The following LRBA variants were observed in gnomAD, a reference collection of about 807,000 sequenced individuals.
LRBA encodes the protein LPS responsive beige-like anchor protein, also known as lipopolysaccharide-responsive and beige-like anchor protein.
LRBA carries 176 observed loss-of-function variants against 330.0 expected under a neutral mutation model. The ratio of observed to expected loss-of-function variants is 0.53; its 90% confidence interval spans 0.47 to 0.60. LRBA has a LOEUF of 0.60. LRBA is among the 20% of genes least tolerant of loss of function. The probability of loss-of-function intolerance (pLI) is 0.00; values close to 1 mark genes in which losing one functional copy is unlikely to be tolerated. For synonymous variants in LRBA, 1,230 were observed against 1,193.0 expected (o/e 1.03, Z -0.64); for missense variants, 3,259 against 3,444.8 (o/e 0.95, Z 1.35).
At chr4:150,841,001 G>T in intron 28 of LRBA, 1 of 1,256,504 alleles carries the variant, frequency 8.0e-7, no homozygotes, top group Non-Finnish European at 1.0e-6. Flanking sequence ...TGTGATCCGT[G>T]ATCTGACAAA....
At chr4:150,977,644 T>C (rs1193381553) in intron 2 of LRBA, among the ~76,000 whole-genome samples, 3 of 152,062 alleles carry the variant, frequency 2.0e-5, no homozygotes, top group Admixed American at 6.6e-5. Flanking sequence ...TTTCTGGACA[T>C]GCCCTGGGCC....
At chr4:150,384,765 T>TC (rs745344376) in intron 47 of LRBA, among the ~76,000 whole-genome samples, 110 of 151,622 alleles carry the variant, frequency 7.3e-4, no homozygotes, top group Admixed American at 1.1e-3. Context: ...TTTTTTTTTT[T>TC]CAGAGGAAAG....
At chr4:150,601,906 T>C (rs964994439) in intron 37 of LRBA, among the ~76,000 whole-genome samples, 1 of 151,944 alleles carries the variant, frequency 6.6e-6, no homozygotes, top group Non-Finnish European at 1.5e-5. Flanking sequence ...TTAGCCAGGA[T>C]GGTCTTGATC....
chr4:150,365,204 A>G (rs1233528741), intron 47 of LRBA, among the ~76,000 whole-genome samples: 1 of 151,936 alleles, frequency 6.6e-6, no homozygotes, highest in African/African-American at 2.4e-5. Context: ...ACAGAGTTTC[A>G]CCATGTTGCC....
Position 150,867,879 on chromosome 4 carries a change from G to C in LRBA, c.2574-16C>G, listed in dbSNP as rs780139541. On this transcript the variant is annotated splice_polypyrimidine_tract_variant and intron_variant, in intron 21 of 56. Transcript: ENST00000651943. ...TAGCAAGCTCCTGAAAATTATGAGAGGGTACTAAATTACTGAAGAAAAAAA... is the reference window on the plus strand; with the variant it reads ...TAGCAAGCTCCTGAAAATTATGAGACGGTACTAAATTACTGAAGAAAAAAA... The C allele has an allele frequency of 1.4e-5, 22 of 1,585,754 alleles. No homozygotes were observed. The highest frequency in any genetic ancestry group is 1.8e-5 in the Non-Finnish European group (21 of 1,164,376).
intron 48 of LRBA, among the ~76,000 whole-genome samples, chr4:150,346,229 GAATATC>G (rs1736281610): frequency 6.6e-6 from 1 of 151,804 alleles, no homozygotes; most frequent in Middle Eastern, 3.2e-3. Flanking sequence ...ACCATACTTA[GAATATC>G]ACAGGCCATG....
intron 36 of LRBA, among the ~76,000 whole-genome samples, chr4:150,716,866 T>C (rs1728271482): frequency 6.6e-6 from 1 of 152,208 alleles, no homozygotes; most frequent in South Asian, 2.1e-4. Context: ...GGACAGACTG[T>C]ACTGGGTTAT....
intron 2 of LRBA, among the ~76,000 whole-genome samples, chr4:150,966,033 C>CA (rs1281174207): frequency 6.6e-6 from 1 of 152,118 alleles, no homozygotes; most frequent in Non-Finnish European, 1.5e-5. Flanking sequence ...CCCACAGGTA[C>CA]TGGATGAGAT....
At chr4:150,966,426 A>C (rs1361459881) in intron 2 of LRBA, among the ~76,000 whole-genome samples, 4 of 150,262 alleles carry the variant, frequency 2.7e-5, no homozygotes, top group African/African-American at 9.8e-5. Flanking sequence ...CTCCTGCCTC[A>C]GCCTCCCAGG....
chr4:150,805,531 AAAG>A lies in LRBA; in HGVS notation c.5518+737_5518+739del, dbSNP rs1266521366. Reference sequence around the variant, plus strand: ...AAGAGAAGGAAAGGAAAAGGAAAGGAAAGGAAGGGAGAAGGAAAGGAAAGGAAA... The same window carrying A: ...AAGAGAAGGAAAGGAAAAGGAAAGGAGAAGGGAGAAGGAAAGGAAAGGAAA... On this transcript the variant is annotated intron_variant, in intron 33 of 56. Coordinates refer to ENST00000651943, the MANE Select transcript of LRBA (RefSeq NM_001364905.1). Among the ~76,000 whole-genome samples the A allele has an allele frequency of 2.1e-3, 276 of 133,002 alleles. 8 individuals carry two copies. The highest frequency in any genetic ancestry group is 6.5e-3 in the African/African-American group (224 of 34,418). 87.3% of individuals were successfully genotyped at this position (133,002 alleles called of 152,430 possible).
intron 47 of LRBA, among the ~76,000 whole-genome samples, chr4:150,353,857 C>T (rs1581095525): frequency 6.6e-6 from 1 of 152,102 alleles, no homozygotes; most frequent in African/African-American, 2.4e-5. Context: ...TTCTCAAACA[C>T]TCAACTAAAA....
At chr4:150,657,698 C>G (rs910465673) in intron 37 of LRBA, among the ~76,000 whole-genome samples, 5 of 151,906 alleles carry the variant, frequency 3.3e-5, no homozygotes, top group Non-Finnish European at 5.9e-5. Context: ...GAACAAAGTA[C>G]TTTAATGTTT....
chr4:150,491,807 T>G (rs370601781), intron 40 of LRBA, among the ~76,000 whole-genome samples: 1 of 152,256 alleles, frequency 6.6e-6, no homozygotes, highest in Admixed American at 6.5e-5. Flanking sequence ...TTTCAAAACG[T>G]TCATTTCAAA....
intron 46 of LRBA, among the ~76,000 whole-genome samples, chr4:150,432,899 T>A (rs1380054274): frequency 6.6e-5 from 10 of 152,124 alleles, no homozygotes; most frequent in South Asian, 2.1e-4. Context: ...CCATATATTA[T>A]ACAATTGTCA....
At chr4:150,681,047 C>CA in intron 37 of LRBA, among the ~76,000 whole-genome samples, 1 of 152,176 alleles carries the variant, frequency 6.6e-6, no homozygotes, top group South Asian at 2.1e-4. Context: ...AGTTAAAAGA[C>CA]AAAATGCTAC....
At position 150,868,201 on chromosome 4, in the gene LRBA, T is replaced by A. The variant is rs765698270; in HGVS notation, c.2554A>T (p.Asn852Tyr). The A allele has an allele frequency of 5.0e-6, 8 of 1,612,016 alleles. No homozygotes were observed. The highest frequency in any genetic ancestry group is 6.8e-6 in the Non-Finnish European group (8 of 1,178,784). The change falls in exon 21 of 57, where the codon AAC (asparagine) becomes TAC (tyrosine). Residue 852 changes from asparagine to tyrosine, a missense_variant. Asn to Tyr is a moderately radical substitution (Grantham distance 143). Coordinates refer to ENST00000651943, the MANE Select transcript of LRBA (RefSeq NM_001364905.1). ...FLSDMIKLFN[N>Y]SRENRRSLLQ... The stretch of plus-strand genomic sequence containing the variant: ...GCTTACCTCCTGTTTTCTCTACTGT[T>A]ATTAAAAAGTTTAATCATGTCAGAA...
chr4:150,842,837 C>T (rs1368523195), intron 28 of LRBA, among the ~76,000 whole-genome samples: 1 of 152,116 alleles, frequency 6.6e-6, no homozygotes, highest in African/African-American at 2.4e-5. Context: ...CAGCATTGGT[C>T]CCCAACCTTT....
At chr4:150,402,126 TAA>T (rs545194572) in intron 47 of LRBA, among the ~76,000 whole-genome samples, 21 of 117,600 alleles carry the variant, frequency 1.8e-4, no homozygotes, top group Admixed American at 3.6e-4. Context: ...CCATCTCTAC[TAA>T]AAAAAAAAAA....
intron 35 of LRBA, among the ~76,000 whole-genome samples, chr4:150,753,884 G>A (rs1733895229): frequency 6.6e-6 from 1 of 151,984 alleles, no homozygotes. Flanking sequence ...TTGGCAACAT[G>A]GCAAAACACC....
Sources: allele counts gnomAD v4.1 joint callset (sites outside exome capture counted in the v4.1 genomes callset), GRCh38; gene constraint gnomAD v4.1.1; transcripts MANE v1.5; gene names NCBI Gene and HGNC (gene_info 2026-07-23, HGNC 2026-07-21).